RNF144A: variants seen among roughly 807,000 people sequenced by gnomAD.
RNF144A encodes the protein ring finger protein 144A, also known as E3 ubiquitin-protein ligase RNF144A.
In RNF144A, 11 loss-of-function variants were observed where a neutral mutation model predicts 38.7. That is an observed-to-expected ratio of 0.28 (90% CI 0.18 to 0.47). The LOEUF is 0.47. Among genes scored for constraint, RNF144A ranks in the 20% least tolerant of loss-of-function variants. The probability of loss-of-function intolerance (pLI) is 0.99; values close to 1 mark genes in which losing one functional copy is unlikely to be tolerated. For synonymous variants in RNF144A, 149 were observed against 143.9 expected (o/e 1.04, Z -0.25); for missense variants, 316 against 377.2 (o/e 0.84, Z 1.34).
intron 2 of RNF144A, among the ~76,000 whole-genome samples, chr2:6,950,791 A>G (rs927921619): frequency 1.3e-5 from 2 of 152,158 alleles, no homozygotes; most frequent in Admixed American, 1.3e-4. Context: ...TACTTTCCCC[A>G]TGTTTAATCA....
chr2:6,963,849 G>T (rs545926275), intron 2 of RNF144A, among the ~76,000 whole-genome samples: 2 of 152,152 alleles, frequency 1.3e-5, no homozygotes, highest in Non-Finnish European at 2.9e-5. Flanking sequence ...AGAAGCAGGC[G>T]TGGGACACAC....
chr2:7,034,592 G>A (rs1018930987), intron 8 of RNF144A, among the ~76,000 whole-genome samples: 1 of 152,242 alleles, frequency 6.6e-6, no homozygotes, highest in African/African-American at 2.4e-5. Context: ...ACACCTGGTA[G>A]CACCAGGTGC....
Position 6,995,208 on chromosome 2 carries a change from A to AT in RNF144A, c.-11-1694dup, listed in dbSNP as rs575682872. ...TAAAACTTGAGAAAGGGATGATGTAATTTTTTTTTTTTTTAAGTTAGGACA... is the reference window on the plus strand; with the variant it reads ...TAAAACTTGAGAAAGGGATGATGTAATTTTTTTTTTTTTTTAAGTTAGGACA... On this transcript the variant is annotated intron_variant, in intron 2 of 8. Coordinates refer to ENST00000320892, the MANE Select transcript of RNF144A (RefSeq NM_014746.6). Among the ~76,000 whole-genome samples the AT allele has an allele frequency of 4.5e-3, 655 of 145,368 alleles. 3 individuals are homozygous for AT. Among genetic ancestry groups the AT allele is most frequent in the Middle Eastern group, 0.014 (4 of 282 alleles).
At chr2:7,006,155 C>A (rs560984497) in intron 3 of RNF144A, among the ~76,000 whole-genome samples, 59 of 152,148 alleles carry the variant, frequency 3.9e-4, no homozygotes, top group African/African-American at 1.4e-3. Context: ...CTCCATGAAG[C>A]AGAACAGCTT....
At chr2:6,966,638 C>G (rs535001677) in intron 2 of RNF144A, among the ~76,000 whole-genome samples, 1 of 152,296 alleles carries the variant, frequency 6.6e-6, no homozygotes, top group East Asian at 1.9e-4. Flanking sequence ...ATGACAACCT[C>G]CTGTCGTGCG....
intron 1 of RNF144A, among the ~76,000 whole-genome samples, chr2:6,936,844 AGT>A (rs55971680): frequency 0.014 from 1,987 of 144,110 alleles, 37 homozygotes; most frequent in African/African-American, 0.038. Context: ...CACACACAGT[AGT>A]GTGTGTGTGT....
chr2:6,951,485 A>G (rs1435362993), intron 2 of RNF144A, among the ~76,000 whole-genome samples: 4 of 152,242 alleles, frequency 2.6e-5, no homozygotes, highest in African/African-American at 7.2e-5. Context: ...TAATAGCACC[A>G]TTAACAACAG....
At chr2:7,029,638 C>T (rs1013939325) in intron 7 of RNF144A, among the ~76,000 whole-genome samples, 2 of 152,208 alleles carry the variant, frequency 1.3e-5, no homozygotes, top group African/African-American at 4.8e-5. Flanking sequence ...GGATCAGCAA[C>T]AAAGAAAATC....
At position 6,944,234 on chromosome 2, in the gene RNF144A, A is replaced by G. The variant is rs993939457; in HGVS notation, c.-12+3087A>G. ...CTGGGGTGATGGAGAAAGGACCTGC[A>G]GTGGCACAGGCAGTGATCTGAGGTG... On this transcript the variant is annotated intron_variant, in intron 2 of 8. Coordinates refer to ENST00000320892, the MANE Select transcript of RNF144A (RefSeq NM_014746.6). This position sits in a 1 kb window ranked among gnomAD's most constrained non-coding sequence, Gnocchi z 4.7. Among the ~76,000 whole-genome samples, 1 of 152,130 alleles carries G rather than the reference A, an allele frequency of 6.6e-6. No individual in the cohort carries two copies. The highest frequency in any genetic ancestry group is 1.5e-5 in the Non-Finnish European group (1 of 68,026).
At chr2:6,994,194 C>T (rs926895367) in intron 2 of RNF144A, among the ~76,000 whole-genome samples, 1 of 152,156 alleles carries the variant, frequency 6.6e-6, no homozygotes, top group South Asian at 2.1e-4. Context: ...TGTCAAAAAA[C>T]AAGCTCTCCC....
At chr2:7,017,724 G>A (rs891759946) in intron 5 of RNF144A, among the ~76,000 whole-genome samples, 2 of 152,130 alleles carry the variant, frequency 1.3e-5, no homozygotes, top group African/African-American at 4.8e-5. Flanking sequence ...TTGAAAATAT[G>A]TCTCATACAC....
In RNF144A at chr2:7,041,895, G is replaced by A. The variant is rs1180397750; in HGVS notation, c.*2135G>A. 2.0e-6 allele frequency: 2 copies of A among 985,284 alleles called. No homozygotes were observed. Among genetic ancestry groups the A allele is most frequent in the Non-Finnish European group, 1.2e-6 (1 of 829,964 alleles). The allele number at this position is 985,284 out of a possible 1,614,324, so 61.0% of individuals were successfully genotyped here. On this transcript the variant is annotated 3_prime_UTR_variant, in exon 9 of 9. Coordinates refer to ENST00000320892, the MANE Select transcript of RNF144A (RefSeq NM_014746.6). ...GATGACCTTATTTCTAGAGGGACAG[G>A]CTGTTCTGTTGGAAGAGTCTCTGGC...
At chr2:7,002,960 T>A (rs924740457) in intron 3 of RNF144A, among the ~76,000 whole-genome samples, 3 of 150,838 alleles carry the variant, frequency 2.0e-5, no homozygotes, top group African/African-American at 7.3e-5. Flanking sequence ...TCTAGGCTAA[T>A]GTGTTTGTGT....
chr2:7,024,390 A>G lies in RNF144A; in HGVS notation c.531A>G (p.Glu177=), dbSNP rs139600684. The G allele has an allele frequency of 9.2e-4, 1,475 of 1,608,030 alleles. 1 individual carries two copies. The highest frequency in any genetic ancestry group is 1.1e-3 in the Non-Finnish European group (1,268 of 1,174,758). The change falls in exon 7 of 9, where the codon GAA becomes GAG. Residue 177 remains glutamate (E), a synonymous_variant. Transcript: ENST00000320892. The part of the protein sequence containing the change: ...GETSAAFKME[E]DDAPIKRCPK... ...ACAGTGCTGCTTTCAAAATGGAAGAAGATGACGCGCCCATCAAGCGCTGCC... is the reference window on the plus strand; with the variant it reads ...ACAGTGCTGCTTTCAAAATGGAAGAGGATGACGCGCCCATCAAGCGCTGCC...
chr2:7,030,119 C>T lies in RNF144A; in HGVS notation c.658-7C>T. Reference sequence around the variant, plus strand: ...GTTCATGCCGTCTCTGTCTCTGCCCCTCACAGGATGATTTCCTTCTGATAC... The same window carrying T: ...GTTCATGCCGTCTCTGTCTCTGCCCTTCACAGGATGATTTCCTTCTGATAC... On this transcript the variant is annotated splice_region_variant and splice_polypyrimidine_tract_variant and intron_variant, in intron 7 of 8. Transcript: ENST00000320892. 1 of 1,609,136 alleles carries T rather than the reference C, an allele frequency of 6.2e-7. No individual in the cohort carries two copies. The highest frequency in any genetic ancestry group is 1.3e-5 in the African/African-American group (1 of 74,954).
At chr2:7,004,428 A>T (rs1670310777) in intron 3 of RNF144A, among the ~76,000 whole-genome samples, 2 of 152,144 alleles carry the variant, frequency 1.3e-5, no homozygotes, top group Admixed American at 1.3e-4. Context: ...TTAAGATGGG[A>T]TCTAGTAACT....
chr2:6,964,330 G>C (rs1667517753), intron 2 of RNF144A, among the ~76,000 whole-genome samples: 3 of 152,246 alleles, frequency 2.0e-5, no homozygotes, highest in African/African-American at 7.2e-5. Flanking sequence ...ACAGGTGCTG[G>C]AGAGGATGTG....
intron 3 of RNF144A, among the ~76,000 whole-genome samples, chr2:7,005,079 C>T (rs1043126342): frequency 5.9e-5 from 9 of 152,142 alleles, no homozygotes; most frequent in African/African-American, 9.7e-5. Flanking sequence ...ATCATAGCGT[C>T]GTCAGATTAA....
At chr2:7,032,576 G>A (rs905427496) in intron 8 of RNF144A, among the ~76,000 whole-genome samples, 24 of 152,352 alleles carry the variant, frequency 1.6e-4, no homozygotes, top group African/African-American at 5.5e-4. Flanking sequence ...AGCCATCTGC[G>A]GCATTCCTGG....
Sources: allele counts gnomAD v4.1 joint callset (sites outside exome capture counted in the v4.1 genomes callset), GRCh38; gene constraint gnomAD v4.1.1; non-coding constraint Gnocchi (gnomAD v3.1); transcripts MANE v1.5; gene names NCBI Gene and HGNC (gene_info 2026-07-23, HGNC 2026-07-21).